Variants in NOVA1 observed in about 807,000 individuals in gnomAD.
NOVA1 encodes the protein NOVA alternative splicing regulator 1, also known as RNA-binding protein Nova-1.
In NOVA1, 7 loss-of-function variants were observed where a neutral mutation model predicts 38.0. The ratio of observed to expected loss-of-function variants is 0.18; its 90% confidence interval spans 0.10 to 0.35. The LOEUF (loss-of-function observed/expected upper bound fraction) is 0.35, where lower values mean the gene tolerates loss of function less well. NOVA1 is among the 10% of genes least tolerant of loss of function. NOVA1 has a pLI of 1.00. For missense variants in NOVA1, 460 were observed against 616.0 expected (o/e 0.75, Z 2.68); for synonymous variants, 270 against 232.5 (o/e 1.16, Z -1.47).
chr14:26,567,810 G>A (rs1892226059), intron 2 of NOVA1, among the ~76,000 whole-genome samples: 1 of 151,966 alleles, frequency 6.6e-6, no homozygotes, highest in African/African-American at 2.4e-5. Flanking sequence ...CTTTTTTATT[G>A]CTCAAGATAA....
At chr14:26,475,765 T>G (rs1884939152) in intron 3 of NOVA1, among the ~76,000 whole-genome samples, 1 of 152,180 alleles carries the variant, frequency 6.6e-6, no homozygotes, top group Admixed American at 6.5e-5. Context: ...AGTAGGTAAT[T>G]AAATGTAGAC....
At chr14:26,463,736 C>T (rs948796060) in intron 4 of NOVA1, among the ~76,000 whole-genome samples, 1 of 152,076 alleles carries the variant, frequency 6.6e-6, no homozygotes, top group Non-Finnish European at 1.5e-5. Context: ...TCCTTGATTT[C>T]GTACACCATA....
In NOVA1 at chr14:26,562,028, G is replaced by T. The variant is rs1240673016; in HGVS notation, c.280+33382C>A. Among the ~76,000 whole-genome samples, 3 of 152,076 alleles carry T rather than the reference G, an allele frequency of 2.0e-5. No homozygotes were observed. In the South Asian group the frequency reaches 6.2e-4, roughly 31 times the overall value. The stretch of plus-strand genomic sequence containing the variant: ...TCACTCTATAAGTTATAATTTCCAT[G>T]TATTTGTGTATGCTGAATATTTATA... On this transcript the variant is annotated intron_variant, in intron 2 of 4. Coordinates refer to ENST00000539517, the MANE Select transcript of NOVA1 (RefSeq NM_002515.3).
At chr14:26,531,877 T>G (rs1889742661) in intron 2 of NOVA1, among the ~76,000 whole-genome samples, 1 of 152,088 alleles carries the variant, frequency 6.6e-6, no homozygotes, top group African/African-American at 2.4e-5. Context: ...AACTGATTAG[T>G]AGAAAAACAA....
chr14:26,470,476 G>T, intron 4 of NOVA1: 1 of 1,555,240 alleles, frequency 6.4e-7, no homozygotes, highest in Non-Finnish European at 8.9e-7. Context: ...ATGATATCCA[G>T]GAGATATTAT....
intron 4 of NOVA1, among the ~76,000 whole-genome samples, chr14:26,469,158 T>G (rs1395251502): frequency 6.6e-6 from 1 of 152,222 alleles, no homozygotes; most frequent in Admixed American, 6.5e-5. Flanking sequence ...ACTTGTACCT[T>G]ACAATATGAA....
chr14:26,503,856 A>T (rs1887428608), intron 2 of NOVA1, among the ~76,000 whole-genome samples: 2 of 152,162 alleles, frequency 1.3e-5, no homozygotes, highest in Non-Finnish European at 2.9e-5. Context: ...TGAAATGAAA[A>T]AATTTACATA....
At chr14:26,490,046 C>G (rs952652406) in intron 2 of NOVA1, among the ~76,000 whole-genome samples, 2 of 152,050 alleles carry the variant, frequency 1.3e-5, no homozygotes, top group African/African-American at 4.8e-5. Flanking sequence ...CCCCAGTTAC[C>G]TCTAATCTAC....
chr14:26,454,482 C>T (rs185606401), intron 4 of NOVA1, among the ~76,000 whole-genome samples: 17 of 152,210 alleles, frequency 1.1e-4, no homozygotes, highest in Admixed American at 9.2e-4. Context: ...AAGAACCTGA[C>T]TGAAAATGAA....
intron 2 of NOVA1, among the ~76,000 whole-genome samples, chr14:26,567,493 G>A (rs1892207273): frequency 6.6e-6 from 1 of 151,690 alleles, no homozygotes; most frequent in South Asian, 2.1e-4. Context: ...ACAAGGTCTT[G>A]CTATGTTACC....
chr14:26,472,228 G>A (rs749802552), intron 4 of NOVA1, 92 bp downstream of exon 4: 8 of 769,730 alleles, frequency 1.0e-5, no homozygotes, highest in South Asian at 7.5e-5. Context: ...GTGAATGAAC[G>A]AATAAATCCT....
chr14:26,529,558 C>T (rs1047988320), intron 2 of NOVA1, among the ~76,000 whole-genome samples: 1 of 152,162 alleles, frequency 6.6e-6, no homozygotes, highest in South Asian at 2.1e-4. Flanking sequence ...ATAGGCCACA[C>T]AGTGAATGGC....
chr14:26,576,341 A>G (rs1297165248), intron 2 of NOVA1, among the ~76,000 whole-genome samples: 1 of 151,526 alleles, frequency 6.6e-6, no homozygotes. Context: ...TTTGATACGC[A>G]TATACATAGT....
intron 4 of NOVA1, 166 bp downstream of exon 4, chr14:26,472,154 A>C (rs945974724): frequency 3.6e-5 from 19 of 527,014 alleles, no homozygotes; most frequent in Non-Finnish European, 6.6e-5. Context: ...AATGCATATA[A>C]AATTTTAGAA....
At chr14:26,469,434 C>T (rs568976316) in intron 4 of NOVA1, among the ~76,000 whole-genome samples, 12 of 152,188 alleles carry the variant, frequency 7.9e-5, no homozygotes, top group South Asian at 6.2e-4. Flanking sequence ...TTATTTACTA[C>T]GTTAAAGAAT....
At position 26,445,828 on chromosome 14, in the gene NOVA1, T is replaced by C. The variant is rs190617392; in HGVS notation, c.*2131A>G. 325 of 152,728 alleles carry C rather than the reference T, an allele frequency of 2.1e-3. 1 individual carries two copies. The highest frequency in any genetic ancestry group is 3.1e-3 in the Non-Finnish European group (209 of 68,030). The allele number at this position is 152,728 out of a possible 1,614,324, so 9.5% of individuals were successfully genotyped here. On this transcript the variant is annotated 3_prime_UTR_variant, in exon 5 of 5. Transcript: ENST00000539517. ...ATAGATATTATTTACTGTTAATGTA[T>C]TATAAATGATCTGAGACTTGTGACA...
intron 2 of NOVA1, among the ~76,000 whole-genome samples, chr14:26,575,326 T>G (rs942142903): frequency 6.6e-6 from 1 of 152,146 alleles, no homozygotes; most frequent in Non-Finnish European, 1.5e-5. Flanking sequence ...AAAATCTGTC[T>G]CTATCAGTTA....
At chr14:26,463,127 T>A (rs1034664931) in intron 4 of NOVA1, among the ~76,000 whole-genome samples, 9 of 152,182 alleles carry the variant, frequency 5.9e-5, no homozygotes, top group Non-Finnish European at 1.2e-4. Flanking sequence ...TATTCTGCAA[T>A]ATCAGAATTT....
chr14:26,468,066 T>C (rs1348574651), intron 4 of NOVA1, among the ~76,000 whole-genome samples: 3 of 152,132 alleles, frequency 2.0e-5, no homozygotes, highest in African/African-American at 7.2e-5. Context: ...ATGATTAAAT[T>C]ATGTTGTAGG....
Sources: gnomAD v4.1 joint callset for allele counts (sites outside exome capture counted in the v4.1 genomes callset) on GRCh38, gnomAD v4.1.1 for gene constraint, MANE v1.5 for transcripts, NCBI Gene and HGNC (gene_info 2026-07-23, HGNC 2026-07-21) for gene names.